Variants in C6orf163 observed in about 807,000 individuals in gnomAD.
C6orf163 encodes uncharacterized protein C6orf163.
Under a neutral mutation model 28.4 loss-of-function variants are expected in C6orf163, and 22 were observed. The ratio of observed to expected loss-of-function variants is 0.78; its 90% confidence interval spans 0.55 to 1.11. C6orf163 has a LOEUF of 1.11. C6orf163 is among the 50% of genes least tolerant of loss of function. The pLI, the probability that C6orf163 is intolerant of heterozygous loss-of-function variation, is 0.00. For missense variants in C6orf163, 342 were observed against 389.1 expected (o/e 0.88, Z 1.02); for synonymous variants, 110 against 123.6 (o/e 0.89, Z 0.73).
chr6:87,365,451 T>C lies in C6orf163; in HGVS notation c.*55T>C. 8.2e-7 allele frequency: 1 copy of C among 1,221,504 alleles called. No individual in the cohort carries two copies. The highest frequency in any genetic ancestry group is 1.1e-6 in the Non-Finnish European group (1 of 888,314). The allele number at this position is 1,221,504 out of a possible 1,614,324, so 75.7% of individuals were successfully genotyped here. On this transcript the variant is annotated 3_prime_UTR_variant, in exon 5 of 5. Transcript: ENST00000388923. ...GACATCATTCCAGACTAAATAAATT[T>C]ACTCAAAAACCATGTATTGATTCCC...
chr6:87,358,806 C>G (rs1297345571), intron 4 of C6orf163, among the ~76,000 whole-genome samples: 1 of 152,074 alleles, frequency 6.6e-6, no homozygotes, highest in Non-Finnish European at 1.5e-5. Flanking sequence ...ATTGTATCAT[C>G]CTACATATCT....
rs547264354 is a variant in C6orf163, at chr6:87,355,368, C to G, written c.352-933C>G. On this transcript the variant is annotated intron_variant, in intron 3 of 4. Coordinates refer to ENST00000388923, the MANE Select transcript of C6orf163 (RefSeq NM_001010868.3). Reference sequence around the variant, plus strand: ...TTGAGCCCAGAAATTGAAGACAAGCCTGGGCAACATGGTGAAACCCTATTT... The same window carrying G: ...TTGAGCCCAGAAATTGAAGACAAGCGTGGGCAACATGGTGAAACCCTATTT... Among the ~76,000 whole-genome samples the G allele has an allele frequency of 5.9e-5, 9 of 152,246 alleles. No individual in the cohort carries two copies. The South Asian group carries it at 1.9e-3, about 32-fold the overall frequency.
chr6:87,352,405 T>A (rs1777430147), intron 3 of C6orf163, among the ~76,000 whole-genome samples: 1 of 152,172 alleles, frequency 6.6e-6, no homozygotes, highest in African/African-American at 2.4e-5. Context: ...TACCAATGTA[T>A]AGCAGAAAAC....
intron 3 of C6orf163, among the ~76,000 whole-genome samples, chr6:87,354,345 A>T (rs995095710): frequency 6.6e-6 from 1 of 152,250 alleles, no homozygotes; most frequent in African/African-American, 2.4e-5. Flanking sequence ...TTCAAAAAGC[A>T]AAGTAATCTG....
At chr6:87,361,167 C>T (rs2127935325) in intron 4 of C6orf163, among the ~76,000 whole-genome samples, 1 of 152,214 alleles carries the variant, frequency 6.6e-6, no homozygotes, top group Non-Finnish European at 1.5e-5. Context: ...TGCCTGTAGT[C>T]TCAGCTATTC....
At chr6:87,358,955 AC>A (rs1453696908) in intron 4 of C6orf163, 3 of 152,146 alleles carry the variant, frequency 2.0e-5, no homozygotes, top group Non-Finnish European at 2.9e-5. Context: ...CCATTATGCT[AC>A]CTGCTTTACA....
In C6orf163 at chr6:87,348,202, TGC is replaced by T. The variant is rs1269706819; in HGVS notation, c.149-608_149-607del. ...GGAAAAAGACCTGGCTGTCTGATAT[TGC>T]GTGGTCCTCTAGCCTCTCTAGACTT... On this transcript the variant is annotated intron_variant, in intron 1 of 4. Transcript: ENST00000388923. The T allele has an allele frequency of 2.2e-4, 212 of 983,916 alleles. No homozygotes were observed. The Middle Eastern group carries it at 3.7e-3, about 17-fold the overall frequency. 60.9% of individuals were successfully genotyped at this position (983,916 alleles called of 1,614,324 possible).
At chr6:87,351,880 G>T (rs1777417952) in intron 3 of C6orf163, among the ~76,000 whole-genome samples, 1 of 152,174 alleles carries the variant, frequency 6.6e-6, no homozygotes, top group Admixed American at 6.5e-5. Context: ...ATTCAGATAG[G>T]TGGGCCCTAC....
rs535344357 is a variant in C6orf163, at chr6:87,351,396, C to T, written c.351+895C>T. On this transcript the variant is annotated intron_variant, in intron 3 of 4. Transcript: ENST00000388923. The stretch of plus-strand genomic sequence containing the variant: ...TCGTTGTTGCAACAATGAGCACCTA[C>T]CGTATATTAGATCTGTACCGGGTGA... Among the ~76,000 whole-genome samples, 3 of 152,298 alleles carry T rather than the reference C, an allele frequency of 2.0e-5. No homozygotes were observed. In the East Asian group the frequency reaches 5.8e-4, roughly 29 times the overall value.
intron 1 of C6orf163, 76 bp from the exon 2 acceptor site, chr6:87,348,736 T>C (rs780876343): frequency 4.2e-5 from 64 of 1,510,700 alleles, no homozygotes; most frequent in Non-Finnish European, 5.2e-5. Context: ...CCCTCATAAA[T>C]AACTAGATAA....
intron 4 of C6orf163, 96 bp downstream of exon 4, chr6:87,356,599 C>A: frequency 2.7e-6 from 3 of 1,120,696 alleles, no homozygotes; most frequent in Non-Finnish European, 2.5e-6. Context: ...AGATATTGCC[C>A]AGTTTTTGTG....
intron 3 of C6orf163, among the ~76,000 whole-genome samples, chr6:87,354,038 ACAGGGTTTTGC>A (rs1408089961): frequency 6.6e-6 from 1 of 152,018 alleles, no homozygotes. Flanking sequence ...TTTAATAGAG[ACAGGGTTTTGC>A]CATGTTGGCC....
intron 3 of C6orf163, among the ~76,000 whole-genome samples, chr6:87,351,697 G>A (rs242266): frequency 0.59 from 89,515 of 152,118 alleles, 26,692 homozygotes; most frequent in African/African-American, 0.63. Flanking sequence ...AAGTATTAAA[G>A]TACTTCTCTA....
At chr6:87,349,641 T>C (rs16879117) in intron 2 of C6orf163, among the ~76,000 whole-genome samples, 5,128 of 152,274 alleles carry the variant, frequency 0.034, 303 homozygotes, top group African/African-American at 0.11. Context: ...CTTTATAAAA[T>C]AGACATTATA....
intron 4 of C6orf163, among the ~76,000 whole-genome samples, chr6:87,359,475 T>C (rs1197429342): frequency 6.6e-6 from 1 of 152,080 alleles, no homozygotes; most frequent in Non-Finnish European, 1.5e-5. Context: ...GAGCCAGGGG[T>C]TCCCCATGTC....
chr6:87,362,004 T>A (rs1407715750), intron 4 of C6orf163, among the ~76,000 whole-genome samples: 1 of 152,168 alleles, frequency 6.6e-6, no homozygotes, highest in Non-Finnish European at 1.5e-5. Flanking sequence ...GTCTAAAATG[T>A]TATTTTTACT....
chr6:87,357,689 C>G (rs1011825431), intron 4 of C6orf163: 1 of 152,262 alleles, frequency 6.6e-6, no homozygotes, highest in African/African-American at 2.4e-5. Flanking sequence ...ATCCTCTTTT[C>G]TTTTCTCTCC....
intron 1 of C6orf163, chr6:87,347,447 A>G: frequency 2.0e-6 from 2 of 985,416 alleles, no homozygotes; most frequent in Non-Finnish European, 2.4e-6. Flanking sequence ...TATGAAGTTC[A>G]ATACGTTGAT....
chr6:87,347,768 T>C (rs1356625367), intron 1 of C6orf163: 2 of 985,442 alleles, frequency 2.0e-6, no homozygotes, highest in Non-Finnish European at 2.4e-6. Flanking sequence ...GTTGGCTTAA[T>C]GGTTTACTGC....
Sources: allele counts gnomAD v4.1 joint callset (sites outside exome capture counted in the v4.1 genomes callset), GRCh38; gene constraint gnomAD v4.1.1; transcripts MANE v1.5; gene names NCBI Gene and HGNC (gene_info 2026-07-23, HGNC 2026-07-21).